The following DLGAP2 variants were observed in gnomAD, a reference collection of about 807,000 sequenced individuals.
DLGAP2 encodes DLG associated protein 2.
A neutral mutation model predicts 100.3 loss-of-function variants in DLGAP2; 26 were observed. The ratio of observed to expected loss-of-function variants is 0.26; its 90% CI spans 0.19 to 0.36. The LOEUF (loss-of-function observed/expected upper bound fraction) is 0.36. Ranked by LOEUF, DLGAP2 falls within the 10% of genes least tolerant of loss-of-function variation. The probability of loss-of-function intolerance (pLI) is 1.00; values close to 1 mark genes in which losing one functional copy is unlikely to be tolerated. For missense variants in DLGAP2, 1,858 were observed against 1,453.2 expected (o/e 1.28, Z -4.53); for synonymous variants, 886 against 630.1 (o/e 1.41, Z -6.08).
chr8:1,257,599 G>T (rs146941870), intron 2 of DLGAP2, among the ~76,000 whole-genome samples: 2 of 152,188 alleles, frequency 1.3e-5, no homozygotes, highest in Admixed American at 6.5e-5. Flanking sequence ...CGTCTCCTCT[G>T]TGGGCCCCGG....
rs575907711 is a variant in DLGAP2 at position 1,583,360 on chromosome 8, G to A, written c.1442+17466G>A. On this transcript the variant is annotated intron_variant, in intron 6 of 14. Transcript: ENST00000637795. ...GCTCAGATATTCCTCTGGCCCATGAGCCTGCCCTGGGATCACCTTTTGCTC... is the reference window on the plus strand; with the variant it reads ...GCTCAGATATTCCTCTGGCCCATGAACCTGCCCTGGGATCACCTTTTGCTC... 1.4e-4 allele frequency among the ~76,000 whole-genome samples: 22 copies of A among 152,248 alleles called. No individual in the cohort carries two copies. The South Asian group carries it at 4.6e-3, about 32-fold the overall frequency.
At chr8:1,490,750 T>C (rs891301380) in intron 3 of DLGAP2, among the ~76,000 whole-genome samples, 3 of 151,982 alleles carry the variant, frequency 2.0e-5, no homozygotes, top group African/African-American at 7.3e-5. Flanking sequence ...GCAGAATCTC[T>C]GGGCTGGGGC....
Position 1,707,573 on chromosome 8 carries a change from G to C in DLGAP2, c.*6167G>C, listed in dbSNP as rs769237522. The C allele has an allele frequency of 2.0e-5, 3 of 152,042 alleles. No homozygotes were observed. The South Asian group carries it at 6.2e-4, about 32-fold the overall frequency. 9.4% of individuals were successfully genotyped at this position (152,042 alleles called of 1,614,324 possible). A position where few individuals can be genotyped will look rare whatever the true frequency, so the allele number is the denominator to read the frequency against. ...GAGCAGTGAGACCTAGGCTACTTTC[G>C]AACGCTTCCTTCCGAACGGTAAGCC... On this transcript the variant is annotated 3_prime_UTR_variant, in exon 15 of 15. Transcript: ENST00000637795.
intron 4 of DLGAP2, among the ~76,000 whole-genome samples, chr8:1,519,371 C>T (rs890989076): frequency 2.0e-5 from 3 of 152,216 alleles, no homozygotes; most frequent in Non-Finnish European, 4.4e-5. Context: ...GGTTCACTGA[C>T]TGCCCGAAAT....
chr8:924,586 T>C (rs545550613), intron 2 of DLGAP2, among the ~76,000 whole-genome samples: 12 of 152,130 alleles, frequency 7.9e-5, no homozygotes, highest in Admixed American at 3.3e-4. Context: ...TTTTTTTTTT[T>C]TCTTTCTTTC....
intron 2 of DLGAP2, among the ~76,000 whole-genome samples, chr8:912,514 C>A (rs1386830714): frequency 1.3e-5 from 2 of 152,296 alleles, no homozygotes; most frequent in African/African-American, 2.4e-5. Flanking sequence ...TTTCTGTGGT[C>A]CAGTTTCAAG....
chr8:1,207,334 G>A (rs1455578463), intron 2 of DLGAP2, among the ~76,000 whole-genome samples: 1 of 152,116 alleles, frequency 6.6e-6, no homozygotes, highest in Non-Finnish European at 1.5e-5. Context: ...ACAATGTTTG[G>A]TTTTCCATTC....
At position 1,225,490 on chromosome 8, in the gene DLGAP2, T is replaced by C. The variant is rs866702504; in HGVS notation, c.74-33361T>C. ...TCCTTTTGGACTGATGAAAAACGTC[T>C]TGAAACTGGACAGAGCTGGTTGAAC... is the stretch of plus-strand genomic sequence containing the variant. On this transcript the variant is annotated intron_variant, in intron 2 of 14. Transcript: ENST00000637795. 6.6e-5 allele frequency among the ~76,000 whole-genome samples: 10 copies of C among 152,332 alleles called. No individual in the cohort carries two copies. In the South Asian group the frequency reaches 2.1e-3, roughly 32 times the overall value.
At chr8:1,529,396 A>G (rs754199077) in intron 4 of DLGAP2, among the ~76,000 whole-genome samples, 22 of 152,180 alleles carry the variant, frequency 1.4e-4, no homozygotes, top group African/African-American at 5.1e-4. Context: ...GCCTGGCCAT[A>G]TCACCTTCTT....
chr8:1,216,961 T>C (rs28503335), intron 2 of DLGAP2, among the ~76,000 whole-genome samples: 26,534 of 152,108 alleles, frequency 0.17, 2,557 homozygotes, highest in East Asian at 0.27. Flanking sequence ...CTTGGTTTTT[T>C]CTTCAACTTT....
chr8:1,202,559 G>A (rs545802772), intron 2 of DLGAP2, among the ~76,000 whole-genome samples: 1 of 152,174 alleles, frequency 6.6e-6, no homozygotes, highest in Non-Finnish European at 1.5e-5. Flanking sequence ...TAATGCAGAG[G>A]AATTCCCCAG....
chr8:1,571,549 C>T, intron 6 of DLGAP2, among the ~76,000 whole-genome samples: 1 of 91,592 alleles, frequency 1.1e-5, no homozygotes, highest in African/African-American at 4.4e-5. Flanking sequence ...GAGGAGTGAA[C>T]TGTGGGGTGT....
chr8:1,048,696 C>T (rs183942752), intron 2 of DLGAP2, among the ~76,000 whole-genome samples: 4 of 152,016 alleles, frequency 2.6e-5, no homozygotes, highest in East Asian at 2.0e-4. Flanking sequence ...AAGAAGATGC[C>T]GCCCGAGGCC....
chr8:1,371,168 T>C (rs1350237364), intron 3 of DLGAP2, among the ~76,000 whole-genome samples: 2 of 152,242 alleles, frequency 1.3e-5, no homozygotes, highest in Non-Finnish European at 2.9e-5. Context: ...GACACGTCTT[T>C]CTTTTGCCTC....
intron 3 of DLGAP2, among the ~76,000 whole-genome samples, chr8:1,378,278 C>G (rs10099662): frequency 0.075 from 11,228 of 150,574 alleles, 603 homozygotes; most frequent in East Asian, 0.23. Context: ...GCCTGTCTGT[C>G]CTGCACACAC....
intron 3 of DLGAP2, among the ~76,000 whole-genome samples, chr8:1,430,413 T>C (rs925472580): frequency 4.6e-5 from 7 of 152,192 alleles, no homozygotes; most frequent in African/African-American, 1.7e-4. Context: ...GTCATGCTGA[T>C]GTTTCTTCAA....
intron 3 of DLGAP2, among the ~76,000 whole-genome samples, chr8:1,413,113 C>T (rs1444374480): frequency 6.6e-6 from 1 of 152,200 alleles, no homozygotes; most frequent in Non-Finnish European, 1.5e-5. Flanking sequence ...CTGGAACTCA[C>T]AGCTTTGTGT....
At chr8:819,262 TA>T (rs1203441697) in intron 1 of DLGAP2, among the ~76,000 whole-genome samples, 2 of 152,194 alleles carry the variant, frequency 1.3e-5, no homozygotes, top group East Asian at 1.9e-4. Context: ...TAAGGATATT[TA>T]AAAAACCCCT....
At chr8:1,662,297 T>C (rs1798425890) in intron 8 of DLGAP2, among the ~76,000 whole-genome samples, 1 of 152,258 alleles carries the variant, frequency 6.6e-6, no homozygotes, top group African/African-American at 2.4e-5. Flanking sequence ...ATAGTCCCTT[T>C]AAACAGTTTG....
Sources: allele counts gnomAD v4.1 joint callset (sites outside exome capture counted in the v4.1 genomes callset), GRCh38; gene constraint gnomAD v4.1.1; transcripts MANE v1.5; gene names NCBI Gene and HGNC (gene_info 2026-07-23, HGNC 2026-07-21).